The following PSMD1 variants were observed in gnomAD, a reference collection of about 807,000 sequenced individuals.
The protein encoded by PSMD1 is 26S proteasome non-ATPase regulatory subunit 1.
A neutral mutation model predicts 119.0 loss-of-function variants in PSMD1; 18 were observed. That is an observed-to-expected ratio of 0.15 (90% CI 0.10 to 0.22). The LOEUF is 0.22. PSMD1 is among the 10% of genes least tolerant of loss of function. The probability of loss-of-function intolerance (pLI) is 1.00; values close to 1 mark genes in which losing one functional copy is unlikely to be tolerated. For missense variants in PSMD1, 702 were observed against 1,158.5 expected (o/e 0.61, Z 5.72); for synonymous variants, 374 against 396.6 (o/e 0.94, Z 0.68).
intron 16 of PSMD1, chr2:231,109,386 T>C (rs779697452): frequency 6.2e-7 from 1 of 1,614,048 alleles, no homozygotes; most frequent in Non-Finnish European, 8.5e-7. Context: ...TCTATCCCTT[T>C]AATAGGGACT....
chr2:231,146,407 T>C, intron 18 of PSMD1, 51 bp downstream of exon 18: 1 of 1,396,086 alleles, frequency 7.2e-7, no homozygotes, highest in Non-Finnish European at 1.0e-6. Flanking sequence ...GTCTTTTCTT[T>C]AGTAACTTAT....
At chr2:231,060,570 C>CT (rs1202360348) in intron 1 of PSMD1, among the ~76,000 whole-genome samples, 1 of 152,086 alleles carries the variant, frequency 6.6e-6, no homozygotes, top group African/African-American at 2.4e-5. Context: ...ACAATTATTC[C>CT]TTTTACTCTC....
intron 16 of PSMD1, among the ~76,000 whole-genome samples, chr2:231,098,091 G>A (rs1027663436): frequency 1.3e-5 from 2 of 152,244 alleles, no homozygotes; most frequent in African/African-American, 2.4e-5. Flanking sequence ...GGGCTGACCC[G>A]CAGGGTGCCG....
intron 16 of PSMD1, among the ~76,000 whole-genome samples, chr2:231,096,876 A>C (rs561897401): frequency 1.3e-5 from 2 of 152,344 alleles, no homozygotes; most frequent in Admixed American, 1.3e-4. Context: ...CAGAGCAGGT[A>C]GCAGGTAATT....
rs577632558 is a variant in PSMD1, at chr2:231,062,370, G to A, written c.134+49G>A. ...AGAATAAGATGGATCAAATTTAATTGTGAATGTGGGTCTTGTGGCTTATTG... is the reference window on the plus strand; with the variant it reads ...AGAATAAGATGGATCAAATTTAATTATGAATGTGGGTCTTGTGGCTTATTG... On this transcript the variant is annotated intron_variant, in intron 3 of 24. Coordinates refer to ENST00000308696, the MANE Select transcript of PSMD1 (RefSeq NM_002807.4). 8.6e-6 allele frequency: 13 copies of A among 1,514,946 alleles called. No individual in the cohort carries two copies. In the Admixed American group the frequency reaches 1.4e-4, roughly 16 times the overall value. 93.8% of individuals were successfully genotyped at this position (1,514,946 alleles called of 1,614,324 possible). A position where few individuals can be genotyped will look rare whatever the true frequency, so the allele number is the denominator to read the frequency against.
chr2:231,066,144 C>G (rs1693906552), intron 4 of PSMD1, among the ~76,000 whole-genome samples: 2 of 152,320 alleles, frequency 1.3e-5, no homozygotes, highest in South Asian at 4.1e-4. Context: ...ATGATGAAAT[C>G]ACCTAAAGAT....
At chr2:231,064,466 C>T (rs2125153363) in intron 4 of PSMD1, among the ~76,000 whole-genome samples, 1 of 152,296 alleles carries the variant, frequency 6.6e-6, no homozygotes, top group East Asian at 1.9e-4. Flanking sequence ...CTGGGACATA[C>T]ATTTTTCCCC....
At chr2:231,150,561 A>C (rs1375661552) in intron 18 of PSMD1, among the ~76,000 whole-genome samples, 1 of 152,072 alleles carries the variant, frequency 6.6e-6, no homozygotes, top group South Asian at 2.1e-4. Flanking sequence ...TTATTAATTC[A>C]TTATCATTTA....
chr2:231,076,895 A>T, intron 8 of PSMD1, 139 bp from the exon 9 acceptor site: 1 of 651,154 alleles, frequency 1.5e-6, no homozygotes, highest in Non-Finnish European at 2.4e-6. Flanking sequence ...GTAGCATCTA[A>T]TAAAGAAAGA....
chr2:231,151,240 A>G (rs901647690), intron 18 of PSMD1, among the ~76,000 whole-genome samples: 15 of 152,002 alleles, frequency 9.9e-5, no homozygotes, highest in Non-Finnish European at 1.2e-4. Context: ...CTTAATCCTC[A>G]CCCTGATTAC....
intron 19 of PSMD1, among the ~76,000 whole-genome samples, chr2:231,159,903 G>A (rs1574777048): frequency 6.6e-6 from 1 of 152,172 alleles, no homozygotes; most frequent in African/African-American, 2.4e-5. Flanking sequence ...TAGATCCCTC[G>A]CGTGCGCGGT....
intron 19 of PSMD1, among the ~76,000 whole-genome samples, chr2:231,157,133 C>T (rs1193096937): frequency 2.0e-5 from 3 of 152,056 alleles, no homozygotes; most frequent in Non-Finnish European, 4.4e-5. Context: ...GACTACACCC[C>T]TTCACTTGTT....
At chr2:231,097,544 G>A (rs1694755947) in intron 16 of PSMD1, among the ~76,000 whole-genome samples, 2 of 152,132 alleles carry the variant, frequency 1.3e-5, no homozygotes, top group African/African-American at 2.4e-5. Flanking sequence ...CTGACTAGTA[G>A]CCCCTAATTG....
intron 14 of PSMD1, 110 bp from the exon 15 acceptor site, chr2:231,084,909 C>G: frequency 5.0e-6 from 4 of 798,398 alleles, no homozygotes; most frequent in East Asian, 2.7e-5. Context: ...TTGAGCTCAT[C>G]ATTTCCTATC....
intron 16 of PSMD1, among the ~76,000 whole-genome samples, chr2:231,119,129 G>A (rs1695445057): frequency 6.6e-6 from 1 of 152,136 alleles, no homozygotes; most frequent in African/African-American, 2.4e-5. Flanking sequence ...AATGCTTACA[G>A]AATTTTTTCC....
chr2:231,105,478 A>G (rs1694953201), intron 16 of PSMD1, among the ~76,000 whole-genome samples: 1 of 152,198 alleles, frequency 6.6e-6, no homozygotes, highest in Non-Finnish European at 1.5e-5. Context: ...AGAAAGTCAA[A>G]AGAATTGGTC....
intron 16 of PSMD1, among the ~76,000 whole-genome samples, chr2:231,119,988 C>T (rs1243958097): frequency 1.3e-5 from 2 of 150,394 alleles, no homozygotes; most frequent in Non-Finnish European, 3.0e-5. Context: ...AGCCTCACCC[C>T]GTCACCCAGG....
At chr2:231,123,621 C>T (rs757489636) in intron 16 of PSMD1, 1 of 1,613,960 alleles carries the variant, frequency 6.2e-7, no homozygotes, top group African/African-American at 1.3e-5. Flanking sequence ...TTCCCTGTTC[C>T]TCAACAATCT....
chr2:231,106,465 A>T (rs1389212378), intron 16 of PSMD1, among the ~76,000 whole-genome samples: 1 of 152,118 alleles, frequency 6.6e-6, no homozygotes, highest in East Asian at 1.9e-4. Context: ...TGAAAATACA[A>T]AAGTTAGCCA....
Sources: allele counts gnomAD v4.1 joint callset (sites outside exome capture counted in the v4.1 genomes callset), GRCh38; gene constraint gnomAD v4.1.1; transcripts MANE v1.5; gene names NCBI Gene and HGNC (gene_info 2026-07-23, HGNC 2026-07-21).